The following LYZL4 variants were observed in gnomAD, a reference collection of about 807,000 sequenced individuals.
The protein encoded by LYZL4 is lysozyme-like protein 4.
LYZL4 carries 13 observed loss-of-function variants against 17.6 expected under a neutral mutation model. That is an observed-to-expected ratio of 0.74 (90% CI 0.48 to 1.18). The LOEUF is 1.18. Ranked by LOEUF, LYZL4 falls within the 50% of genes most tolerant of loss-of-function variation. LYZL4 has a pLI of 0.00. For missense variants in LYZL4, 174 were observed against 188.2 expected, an observed-to-expected ratio of 0.92 and a Z score of 0.44; for synonymous variants, 64 against 67.7, an observed-to-expected ratio of 0.95 and a Z score of 0.27.
At chr3:42,406,473 A>AG (rs1481986906) in intron 3 of LYZL4, among the ~76,000 whole-genome samples, 1 of 149,266 alleles carries the variant, frequency 6.7e-6, no homozygotes, top group Non-Finnish European at 1.5e-5. Context: ...AAAAAAAAAA[A>AG]AAAAAAAGAA....
downstream of LYZL4, among the ~76,000 whole-genome samples, chr3:42,392,808 A>G (rs1255906054): frequency 6.6e-6 from 1 of 152,186 alleles, no homozygotes; most frequent in Non-Finnish European, 1.5e-5. Context: ...TGCAATGGAA[A>G]GATATGAGGT....
At chr3:42,395,848 G>A (rs1320145051), downstream of LYZL4, among the ~76,000 whole-genome samples, 2 of 152,118 alleles carry the variant, frequency 1.3e-5, no homozygotes, top group South Asian at 2.1e-4. Flanking sequence ...ATCACTTGAG[G>A]TCAGGAGTTC....
At chr3:42,368,470 C>G in the LYZL4 span, among the ~76,000 whole-genome samples, 1 of 152,194 alleles carries the variant, frequency 6.6e-6, no homozygotes, top group African/African-American at 2.4e-5. Context: ...TTTTCACTTA[C>G]AAAATGAACT....
At chr3:42,362,789 A>G in the LYZL4 span, among the ~76,000 whole-genome samples, 2 of 152,204 alleles carry the variant, frequency 1.3e-5, no homozygotes, top group Admixed American at 1.3e-4. Flanking sequence ...GATGGAGAAT[A>G]CATATCTACA....
the LYZL4 span, among the ~76,000 whole-genome samples, chr3:42,388,372 A>C: frequency 6.6e-6 from 1 of 152,236 alleles, no homozygotes; most frequent in Non-Finnish European, 1.5e-5. Context: ...AAAAACTCCC[A>C]AAAGACAAGC....
At chr3:42,374,639 A>G in the LYZL4 span, among the ~76,000 whole-genome samples, 1 of 152,144 alleles carries the variant, frequency 6.6e-6, no homozygotes, top group Non-Finnish European at 1.5e-5. Context: ...AACAACACTG[A>G]TACGGCCCTC....
chr3:42,365,372 CAAT>C, the LYZL4 span, among the ~76,000 whole-genome samples: 1 of 152,122 alleles, frequency 6.6e-6, no homozygotes, highest in African/African-American at 2.4e-5. Context: ...CAGTGGCATG[CAAT>C]AATAAGAGTT....
the LYZL4 span, among the ~76,000 whole-genome samples, chr3:42,382,006 C>T: frequency 4.6e-5 from 7 of 152,184 alleles, no homozygotes; most frequent in Non-Finnish European, 1.0e-4. Context: ...CACTTTAAAA[C>T]TTTTAAAGCA....
At chr3:42,390,234 A>G in the LYZL4 span, among the ~76,000 whole-genome samples, 1 of 152,314 alleles carries the variant, frequency 6.6e-6, no homozygotes, top group South Asian at 2.1e-4. Context: ...GGATATCTGT[A>G]TGCTGTGTGA....
chr3:42,394,036 G>A (rs247419), downstream of LYZL4, among the ~76,000 whole-genome samples: 31,654 of 152,038 alleles, frequency 0.21, 3,768 homozygotes, highest in Non-Finnish European at 0.27. Context: ...CAGGTGATCC[G>A]CTCACCTCGG....
At position 42,401,031 on chromosome 3, in the gene LYZL4, G is replaced by T. The variant is rs141281497; in HGVS notation, c.371+3015C>A. ...AAGTAGACGTCAGAGAAAAGGGTCT[G>T]GCCATAATCCAAGTAACAGTGAACA... On this transcript the variant is annotated intron_variant, in intron 4 of 4. Coordinates refer to ENST00000287748, the MANE Select transcript of LYZL4 (RefSeq NM_144634.4). Among the ~76,000 whole-genome samples, 807 of 152,200 alleles carry T rather than the reference G, an allele frequency of 5.3e-3. 7 individuals are homozygous for T. Among genetic ancestry groups the T allele is most frequent in the African/African-American group, 0.019 (776 of 41,512 alleles).
the LYZL4 span, among the ~76,000 whole-genome samples, chr3:42,367,010 CA>C: frequency 6.6e-6 from 1 of 152,206 alleles, no homozygotes; most frequent in Non-Finnish European, 1.5e-5. Context: ...GAATAGACAG[CA>C]ATCAGTTGTG....
At chr3:42,409,116 G>T (rs1201437943) in intron 1 of LYZL4, among the ~76,000 whole-genome samples, 1 of 152,114 alleles carries the variant, frequency 6.6e-6, no homozygotes, top group African/African-American at 2.4e-5. Flanking sequence ...AGATTGCCTG[G>T]GTCCAAGTTC....
At chr3:42,407,398 A>C (rs748224211) in intron 1 of LYZL4, 55 bp from the exon 2 acceptor site, 14 of 1,013,828 alleles carry the variant, frequency 1.4e-5, no homozygotes, top group Non-Finnish European at 1.7e-5. Flanking sequence ...TGGGAGTCTC[A>C]CCTGGTAAGC....
the LYZL4 span, among the ~76,000 whole-genome samples, chr3:42,369,305 G>A: frequency 5.3e-5 from 8 of 152,194 alleles, no homozygotes; most frequent in Non-Finnish European, 1.2e-4. Flanking sequence ...TCAGAACAAT[G>A]TCTGGTTGTT....
the LYZL4 span, among the ~76,000 whole-genome samples, chr3:42,391,224 T>A: frequency 3.3e-5 from 5 of 152,344 alleles, no homozygotes; most frequent in East Asian, 9.6e-4. Context: ...ATATAACAGG[T>A]ATTTTTGTAT....
At chr3:42,405,348 G>A (rs897293634) in intron 3 of LYZL4, among the ~76,000 whole-genome samples, 2 of 151,962 alleles carry the variant, frequency 1.3e-5, no homozygotes, top group Non-Finnish European at 2.9e-5. Context: ...GCGCCTGGCC[G>A]CTCATGTCAT....
the LYZL4 span, among the ~76,000 whole-genome samples, chr3:42,390,513 A>G: frequency 1.6e-4 from 25 of 151,696 alleles, no homozygotes; most frequent in Admixed American, 1.4e-3. Context: ...GGTGGATTAC[A>G]CTGGACCCCT....
chr3:42,405,679 G>A (rs33517), intron 3 of LYZL4, among the ~76,000 whole-genome samples: 40,004 of 151,892 alleles, frequency 0.26, 5,584 homozygotes, highest in Middle Eastern at 0.31. Context: ...CAGGAAGACC[G>A]CCTCAGATGT....
Sources: allele counts gnomAD v4.1 joint callset (sites outside exome capture counted in the v4.1 genomes callset), GRCh38; gene constraint gnomAD v4.1.1; transcripts MANE v1.5; gene names NCBI Gene and HGNC (gene_info 2026-07-23, HGNC 2026-07-21).